The following UGT2A2 variants were observed in gnomAD, a reference collection of about 807,000 sequenced individuals.
UGT2A2 encodes the protein UDP glucuronosyltransferase family 2 member A2, also known as UDP-glucuronosyltransferase 2A2.
A neutral mutation model predicts 50.7 loss-of-function variants in UGT2A2; 60 were observed. That is an observed-to-expected ratio of 1.18 (90% CI 0.96 to 1.47). The LOEUF (loss-of-function observed/expected upper bound fraction) is 1.47, where lower values mean the gene tolerates loss of function less well. UGT2A2 is among the 40% of genes most tolerant of loss of function. UGT2A2 has a pLI of 0.00. For synonymous variants in UGT2A2, 242 were observed against 214.6 expected (o/e 1.13, Z -1.11); for missense variants, 762 against 634.0 (o/e 1.20, Z -2.17).
At chr4:69,601,187 G>A (rs7662867) in intron 1 of UGT2A2, among the ~76,000 whole-genome samples, 66,359 of 151,808 alleles carry the variant, frequency 0.44, 14,922 homozygotes, top group Middle Eastern at 0.49. Context: ...CAGCAGAGGC[G>A]GCTGCACTTC....
At chr4:69,590,061 T>C (rs1048317741) in intron 5 of UGT2A2, among the ~76,000 whole-genome samples, 8 of 152,190 alleles carry the variant, frequency 5.3e-5, no homozygotes, top group Admixed American at 2.0e-4. Flanking sequence ...CTAGTTCATA[T>C]GACAGACAAA....
At chr4:69,627,534 A>AAGAG (rs150318319) in intron 1 of UGT2A2, among the ~76,000 whole-genome samples, 1 of 139,470 alleles carries the variant, frequency 7.2e-6, no homozygotes, top group African/African-American at 2.6e-5. Flanking sequence ...GAAAGAAAGA[A>AAGAG]AGAGAGAGAG....
chr4:69,614,931 G>GC (rs1720288273), intron 1 of UGT2A2, among the ~76,000 whole-genome samples: 1 of 152,056 alleles, frequency 6.6e-6, no homozygotes, highest in African/African-American at 2.4e-5. Context: ...TGGTGGAAGG[G>GC]CAATGGGGAA....
At chr4:69,615,098 C>T (rs1167575429) in intron 1 of UGT2A2, among the ~76,000 whole-genome samples, 1 of 151,918 alleles carries the variant, frequency 6.6e-6, no homozygotes, top group African/African-American at 2.4e-5. Flanking sequence ...CAGATCCCTC[C>T]CCCAACATTT....
chr4:69,589,256 G>T lies in UGT2A2; in HGVS notation c.*116C>A. 1 of 1,295,586 alleles carries T rather than the reference G, an allele frequency of 7.7e-7. No individual in the cohort carries two copies. The highest frequency in any genetic ancestry group is 1.0e-6 in the Non-Finnish European group (1 of 982,490). The allele number at this position is 1,295,586 out of a possible 1,614,324, so 80.3% of individuals were successfully genotyped here. A position where few individuals can be genotyped will look rare whatever the true frequency, so the allele number is the denominator to read the frequency against. ...TCGCAGGTAGAGAAATAGAAAATTT[G>T]GAAACAGGATGGGAGACGTGTTTTT... On this transcript the variant is annotated 3_prime_UTR_variant, in exon 6 of 6. Transcript: ENST00000604629.
intron 1 of UGT2A2, among the ~76,000 whole-genome samples, chr4:69,600,779 G>C (rs566344454): frequency 6.6e-6 from 1 of 150,804 alleles, no homozygotes; most frequent in African/African-American, 2.4e-5. Flanking sequence ...AGGAGCAAGA[G>C]AGAGAGTGAG....
intron 1 of UGT2A2, among the ~76,000 whole-genome samples, chr4:69,613,652 G>A (rs1720199251): frequency 6.6e-6 from 1 of 151,836 alleles, no homozygotes; most frequent in African/African-American, 2.4e-5. Context: ...TTATCTCATG[G>A]ATGCAAAAAT....
In UGT2A2 at chr4:69,596,448, C is replaced by T. The variant is rs999261532; in HGVS notation, c.892-67G>A. The T allele has an allele frequency of 7.8e-6, 11 of 1,408,046 alleles. No individual in the cohort carries two copies. The African/African-American group carries it at 1.0e-4, about 13-fold the overall frequency. 87.2% of individuals were successfully genotyped at this position (1,408,046 alleles called of 1,614,324 possible). A position where few individuals can be genotyped will look rare whatever the true frequency, so the allele number is the denominator to read the frequency against. On this transcript the variant is annotated intron_variant, in intron 2 of 5. Coordinates refer to ENST00000604629, the MANE Select transcript of UGT2A2 (RefSeq NM_001105677.2). ...ATAAGAAAAAATAAGTTTACTTACA[C>T]ATTTAAGTAGGTAAAATTAAGATAT...
chr4:69,598,785 G>A (rs1264882068), intron 2 of UGT2A2, among the ~76,000 whole-genome samples: 2 of 151,788 alleles, frequency 1.3e-5, no homozygotes, highest in Admixed American at 1.3e-4. Context: ...TAAAACCTAA[G>A]AGCCCTGCCT....
chr4:69,632,986 G>A (rs1721471796), intron 1 of UGT2A2, among the ~76,000 whole-genome samples: 1 of 152,074 alleles, frequency 6.6e-6, no homozygotes, highest in Non-Finnish European at 1.5e-5. Context: ...AACCGGACGT[G>A]GGTGACAATT....
intron 5 of UGT2A2, among the ~76,000 whole-genome samples, chr4:69,590,956 A>T (rs1300780214): frequency 6.6e-5 from 10 of 152,344 alleles, no homozygotes; most frequent in Admixed American, 6.5e-4. Context: ...AATGAATAAC[A>T]GAATGGAGTA....
intron 1 of UGT2A2, among the ~76,000 whole-genome samples, chr4:69,606,477 A>G (rs201140879): frequency 7.3e-6 from 1 of 136,434 alleles, no homozygotes; most frequent in East Asian, 2.1e-4. Context: ...TACTGAATGG[A>G]CAAAAACTGG....
chr4:69,619,207 G>C (rs550625157), intron 1 of UGT2A2, among the ~76,000 whole-genome samples: 2 of 151,880 alleles, frequency 1.3e-5, no homozygotes, highest in South Asian at 4.2e-4. Flanking sequence ...AGATCAGCCT[G>C]AGCAACACAG....
At chr4:69,589,715 T>A in intron 5 of UGT2A2, 64 bp from the exon 6 acceptor site, 1 of 1,549,340 alleles carries the variant, frequency 6.5e-7, no homozygotes, top group East Asian at 2.3e-5. Context: ...TGAAGATAAA[T>A]ATGTGATACA....
chr4:69,594,574 G>T lies in UGT2A2; in HGVS notation c.1234C>A (p.His412Asn), dbSNP rs373300381. Reference protein sequence around the residue: ...MFADQPDNIAHMKAKGAAVEV... With the variant: ...MFADQPDNIANMKAKGAAVEV... ...ACAGCTGCTCCTTTGGCCTTCATGTGAGCAATGTTATCAGGCTGATCAGCA... is the reference window on the plus strand; with the variant it reads ...ACAGCTGCTCCTTTGGCCTTCATGTTAGCAATGTTATCAGGCTGATCAGCA... Residue 412 changes from histidine (H) to asparagine (N), a missense_variant, in exon 5 of 6, where the codon CAC becomes AAC. Transcript: ENST00000604629. 2 of 1,614,114 alleles carry T rather than the reference G, an allele frequency of 1.2e-6. No individual in the cohort carries two copies. The highest frequency in any genetic ancestry group is 4.5e-5 in the East Asian group (2 of 44,860).
At chr4:69,635,849 A>AAAAAAAAAAAAAAAAAGAG (rs772370302) in intron 1 of UGT2A2, 2 of 118,514 alleles carry the variant, frequency 1.7e-5, no homozygotes, top group Admixed American at 8.6e-5. Flanking sequence ...AAAAAAAAAA[A>AAAAAAAAAAAAAAAAAGAG]AGAGAGAGAG....
intron 1 of UGT2A2, among the ~76,000 whole-genome samples, chr4:69,627,798 A>G (rs966118128): frequency 3.3e-5 from 5 of 151,930 alleles, no homozygotes; most frequent in Non-Finnish European, 7.4e-5. Flanking sequence ...ATCACATTGA[A>G]ATTAACTCAA....
intron 1 of UGT2A2, among the ~76,000 whole-genome samples, chr4:69,601,075 G>C (rs893129457): frequency 6.6e-6 from 1 of 152,158 alleles, no homozygotes; most frequent in African/African-American, 2.4e-5. Flanking sequence ...CCTGATGCTA[G>C]TGGAATACTG....
intron 1 of UGT2A2, among the ~76,000 whole-genome samples, chr4:69,633,848 T>G (rs1157861693): frequency 6.6e-6 from 1 of 152,128 alleles, no homozygotes; most frequent in Admixed American, 6.5e-5. Context: ...CATTCATGTT[T>G]TGTTTATTAA....
Sources: allele counts gnomAD v4.1 joint callset (sites outside exome capture counted in the v4.1 genomes callset), GRCh38; gene constraint gnomAD v4.1.1; transcripts MANE v1.5; gene names NCBI Gene and HGNC (gene_info 2026-07-23, HGNC 2026-07-21).